Variants in TRIM36 observed in about 807,000 individuals in gnomAD.
TRIM36 encodes the protein E3 ubiquitin-protein ligase TRIM36.
A neutral mutation model predicts 72.4 loss-of-function variants in TRIM36; 42 were observed. The observed-to-expected ratio is 0.58, with a 90% CI of 0.45 to 0.75. The LOEUF (loss-of-function observed/expected upper bound fraction) is 0.75. TRIM36 is among the 30% of genes least tolerant of loss of function. The pLI, the probability that TRIM36 is intolerant of heterozygous loss-of-function variation, is 0.00. For synonymous variants in TRIM36, 315 were observed against 282.8 expected (o/e 1.11, Z -1.14); for missense variants, 913 against 857.1 (o/e 1.07, Z -0.81).
In TRIM36 at chr5:115,126,335, C is replaced by T. The variant is rs767156853; in HGVS notation, c.*168G>A. On this transcript the variant is annotated 3_prime_UTR_variant, in exon 10 of 10. Transcript: ENST00000513154. ...TCATCATTTGTGAAAGGCAGAACAA[C>T]GACATGAAGACACAAGGCTGTTTAG... The T allele has an allele frequency of 4.5e-5, 26 of 577,186 alleles. No individual in the cohort carries two copies. The highest frequency in any genetic ancestry group is 4.5e-4 in the Middle Eastern group (1 of 2,206). The allele number at this position is 577,186 out of a possible 1,614,324, so 35.8% of individuals were successfully genotyped here. A position where few individuals can be genotyped will look rare whatever the true frequency, so the allele number is the denominator to read the frequency against.
intron 1 of TRIM36, among the ~76,000 whole-genome samples, chr5:115,175,162 A>AG (rs1242886218): frequency 1.3e-5 from 2 of 152,038 alleles, no homozygotes; most frequent in Middle Eastern, 3.2e-3. Context: ...CTAAAAAAAA[A>AG]AAAAGTATTT....
In TRIM36 at chr5:115,126,440, A is replaced by T. The variant is rs941277229; in HGVS notation, c.*63T>A. ...CTCAGCGATATGTAATTAGTTACGA[A>T]GGTTAACGCTAAGGCATTGCTTTGT... On this transcript the variant is annotated 3_prime_UTR_variant, in exon 10 of 10. Transcript: ENST00000513154. The T allele has an allele frequency of 7.6e-7, 1 of 1,317,546 alleles. No homozygotes were observed. Among genetic ancestry groups the T allele is most frequent in the Non-Finnish European group, 1.0e-6 (1 of 957,374 alleles). 81.6% of individuals were successfully genotyped at this position (1,317,546 alleles called of 1,614,324 possible). A position where few individuals can be genotyped will look rare whatever the true frequency, so the allele number is the denominator to read the frequency against.
rs1312698336 is a variant in TRIM36 at position 115,147,068 on chromosome 5, C to T, written c.588+1G>A. On this transcript the variant is annotated splice_donor_variant, in intron 3 of 9. Transcript: ENST00000513154. LOFTEE classifies it high-confidence loss of function. Reference sequence around the variant, plus strand: ...TCTAACTTAATAAAAACTTCACTTACCTTGGGTCTGAAGTTAGTAGTTGGA... The same window carrying T: ...TCTAACTTAATAAAAACTTCACTTATCTTGGGTCTGAAGTTAGTAGTTGGA... 1 of 1,604,722 alleles carries T rather than the reference C, an allele frequency of 6.2e-7. No individual in the cohort carries two copies. The highest frequency in any genetic ancestry group is 1.3e-5 in the African/African-American group (1 of 74,722).
intron 8 of TRIM36, 43 bp downstream of exon 8, chr5:115,133,817 G>A (rs1752813555): frequency 6.6e-7 from 1 of 1,519,142 alleles, no homozygotes; most frequent in Non-Finnish European, 8.8e-7. Flanking sequence ...AAGGTCTCTT[G>A]CAACTAACTC....
intron 2 of TRIM36, among the ~76,000 whole-genome samples, chr5:115,160,821 A>C (rs562366695): frequency 2.0e-5 from 3 of 152,326 alleles, no homozygotes; most frequent in South Asian, 4.1e-4. Flanking sequence ...ACTCCAGCCC[A>C]GGTAACAAAC....
At position 115,156,215 on chromosome 5, in the gene TRIM36, T is replaced by C. The variant is rs140827541; in HGVS notation, c.262+7303A>G. 5.2e-3 allele frequency among the ~76,000 whole-genome samples: 788 copies of C among 152,134 alleles called. 11 individuals are homozygous for C. The highest frequency in any genetic ancestry group is 0.017 in the African/African-American group (701 of 41,516). On this transcript the variant is annotated intron_variant, in intron 2 of 9. Coordinates refer to ENST00000513154, the MANE Select transcript of TRIM36 (RefSeq NM_001300759.2). ...CATGCTCACGGATAGGTAGAATCAATATTGTGAAAATGACCATACTGCCAT... is the reference window on the plus strand; with the variant it reads ...CATGCTCACGGATAGGTAGAATCAACATTGTGAAAATGACCATACTGCCAT...
At chr5:115,172,177 T>C (rs1755145339), upstream of TRIM36, among the ~76,000 whole-genome samples, 1 of 152,192 alleles carries the variant, frequency 6.6e-6, no homozygotes, top group Admixed American at 6.5e-5. Flanking sequence ...CTTATTTTGC[T>C]CAAACCTTTT....
At chr5:115,139,393 T>C (rs769893077) in intron 5 of TRIM36, among the ~76,000 whole-genome samples, 2 of 152,218 alleles carry the variant, frequency 1.3e-5, no homozygotes, top group Non-Finnish European at 2.9e-5. Context: ...AGTGCTGAGA[T>C]TACAGGCGTG....
intron 8 of TRIM36, among the ~76,000 whole-genome samples, chr5:115,131,277 A>C (rs1752662335): frequency 6.6e-6 from 1 of 152,198 alleles, no homozygotes; most frequent in Admixed American, 6.5e-5. Context: ...ACATTTTCTT[A>C]TTGAAAGTTT....
At position 115,125,233 on chromosome 5, in the gene TRIM36, G is replaced by A. The variant is rs1752318029; in HGVS notation, c.*1270C>T. On this transcript the variant is annotated 3_prime_UTR_variant, in exon 10 of 10. Transcript: ENST00000513154. The stretch of plus-strand genomic sequence containing the variant: ...ATTACTGCTACAATGCATAAAAGTA[G>A]TTTCTGAATATTTTAACCTCAAAAA... The A allele has an allele frequency of 6.6e-6, 1 of 151,990 alleles. No homozygotes were observed. Among genetic ancestry groups the A allele is most frequent in the South Asian group, 2.1e-4 (1 of 4,832 alleles). The allele number at this position is 151,990 out of a possible 1,614,324, so 9.4% of individuals were successfully genotyped here.
At chr5:115,135,443 T>C (rs1422072) in intron 7 of TRIM36, among the ~76,000 whole-genome samples, 60,365 of 151,460 alleles carry the variant, frequency 0.4, 12,328 homozygotes, top group East Asian at 0.6. Context: ...GCCTACCCCA[T>C]ACTCTTTTTC....
chr5:115,165,717 C>T (rs1337917064), intron 1 of TRIM36, among the ~76,000 whole-genome samples: 4 of 152,074 alleles, frequency 2.6e-5, no homozygotes, highest in Non-Finnish European at 4.4e-5. Flanking sequence ...CGAGTTGGTG[C>T]GGAGGGAGCC....
intron 1 of TRIM36, among the ~76,000 whole-genome samples, chr5:115,169,267 C>T (rs1160448775): frequency 6.6e-6 from 1 of 152,230 alleles, no homozygotes; most frequent in Non-Finnish European, 1.5e-5. Context: ...CAGCTTTCTG[C>T]CCGCACCCGA....
chr5:115,173,782 C>G (rs770472578), upstream of TRIM36, among the ~76,000 whole-genome samples: 1 of 152,156 alleles, frequency 6.6e-6, no homozygotes, highest in Admixed American at 6.5e-5. Flanking sequence ...TATCCTAGCA[C>G]CTCCTTTTTC....
chr5:115,138,748 T>C (rs1399287613), intron 5 of TRIM36, among the ~76,000 whole-genome samples: 1 of 152,180 alleles, frequency 6.6e-6, no homozygotes, highest in Non-Finnish European at 1.5e-5. Context: ...TTGAGAAGAC[T>C]GGCAAACACT....
intron 5 of TRIM36, 130 bp from the exon 6 acceptor site, chr5:115,137,746 T>C (rs1312655379): frequency 9.0e-7 from 1 of 1,109,152 alleles, no homozygotes; most frequent in Non-Finnish European, 1.2e-6. Context: ...ATTATCAAAA[T>C]TTGATAAAAC....
chr5:115,164,290 C>T (rs553217053), intron 1 of TRIM36, among the ~76,000 whole-genome samples: 5 of 152,330 alleles, frequency 3.3e-5, no homozygotes, highest in African/African-American at 1.2e-4. Flanking sequence ...GACCATTCTT[C>T]ATTAATGCCT....
intron 2 of TRIM36, chr5:115,153,918 C>G (rs1266525451): frequency 6.6e-6 from 1 of 152,060 alleles, no homozygotes; most frequent in Non-Finnish European, 1.5e-5. Flanking sequence ...CCAAGACAGA[C>G]CATATGATAG....
chr5:115,176,907 T>C (rs965688986), intron 1 of TRIM36, among the ~76,000 whole-genome samples: 9 of 152,342 alleles, frequency 5.9e-5, no homozygotes, highest in Admixed American at 5.2e-4. Context: ...CTCTTGAGAA[T>C]GATCGTAAGT....
Sources: allele counts gnomAD v4.1 joint callset (sites outside exome capture counted in the v4.1 genomes callset), GRCh38; gene constraint gnomAD v4.1.1; transcripts MANE v1.5; gene names NCBI Gene and HGNC (gene_info 2026-07-23, HGNC 2026-07-21).